Variants in KCNQ4 observed in about 807,000 individuals in gnomAD.
The protein encoded by KCNQ4 is potassium voltage-gated channel subfamily Q member 4.
A neutral mutation model predicts 72.6 loss-of-function variants in KCNQ4; 31 were observed. The observed-to-expected ratio is 0.43, with a 90% CI of 0.32 to 0.58. KCNQ4 has a LOEUF of 0.58. KCNQ4 is among the 20% of genes least tolerant of loss of function. The pLI is 0.08. For missense variants in KCNQ4, 869 were observed against 962.6 expected, an observed-to-expected ratio of 0.90 and a Z score of 1.29; for synonymous variants, 405 against 403.7, an observed-to-expected ratio of 1.00 and a Z score of -0.04.
chr1:40,818,021 T>G, intron 2 of KCNQ4, 143 bp from the exon 3 acceptor site: 1 of 1,048,920 alleles, frequency 9.5e-7, no homozygotes, highest in Non-Finnish European at 1.4e-6. Context: ...CCCTCCGGAA[T>G]CGTCAAGTCC....
chr1:40,802,580 G>A (rs1056708364), intron 1 of KCNQ4, among the ~76,000 whole-genome samples: 9 of 152,198 alleles, frequency 5.9e-5, no homozygotes, highest in Admixed American at 5.9e-4. Flanking sequence ...GCCGAGGCGG[G>A]CTGGGGGCAC....
At position 40,784,579 on chromosome 1, in the gene KCNQ4, A is replaced by G. The variant is rs543743588; in HGVS notation, c.314+172A>G. 7.3e-5 allele frequency among the ~76,000 whole-genome samples: 11 copies of G among 151,512 alleles called. No homozygotes were observed. In the East Asian group the frequency reaches 2.2e-3, roughly 30 times the overall value. On this transcript the variant is annotated intron_variant, in intron 1 of 13. Coordinates refer to ENST00000347132, the MANE Select transcript of KCNQ4 (RefSeq NM_004700.4). The surrounding 1 kb of genome is among the most constrained non-coding windows in gnomAD (Gnocchi z 4.1). ...TGATCCCCTCGCTGAGCCCGACCCTAAGCCCTGATCTCCCAGGCCTGACCC... is the reference window on the plus strand; with the variant it reads ...TGATCCCCTCGCTGAGCCCGACCCTGAGCCCTGATCTCCCAGGCCTGACCC...
Position 40,818,290 on chromosome 1 carries a change from G to C in KCNQ4, c.532G>C (p.Asp178His). ...TGCCAGAAAGCCCTTCTGTGTCATC[G>C]GTAATGAGGCGCGCCCCGCCCGACC... ...RFARKPFCVI[D>H]FIVFVASVAV... is the part of the protein sequence containing the mutation. The change falls in exon 3 of 14, where the codon GAC becomes CAC. Residue 178 changes from aspartate (D) to histidine (H), a missense_variant and splice_region_variant. Asp to His is a moderately conservative substitution (Grantham distance 81). Transcript: ENST00000347132. The C allele has an allele frequency of 6.2e-7, 1 of 1,613,728 alleles. No individual in the cohort carries two copies. Among genetic ancestry groups the C allele is most frequent in the Non-Finnish European group, 8.5e-7 (1 of 1,180,022 alleles).
chr1:40,831,214 A>G lies in KCNQ4; in HGVS notation c.1423A>G (p.Ser475Gly). The G allele has an allele frequency of 6.2e-7, 1 of 1,609,672 alleles. No individual in the cohort carries two copies. Among genetic ancestry groups the G allele is most frequent in the Non-Finnish European group, 8.5e-7 (1 of 1,178,120 alleles). The change falls in exon 10 of 14, where the codon AGC (serine) becomes GGC (glycine). Residue 475 changes from serine (S) to glycine (G), a missense_variant. This residue lies in a region of KCNQ4 where 480 missense variants were observed against 501.9 expected (regional missense o/e 0.96). Coordinates refer to ENST00000347132, the MANE Select transcript of KCNQ4 (RefSeq NM_004700.4). ...CAGCGAGCAGGTGGGTGAGGCCACCAGCCCCACCAAGGTGCAAAAGAGCTG... is the reference window on the plus strand; with the variant it reads ...CAGCGAGCAGGTGGGTGAGGCCACCGGCCCCACCAAGGTGCAAAAGAGCTG... The part of the protein sequence containing the change: ...PSSEQVGEAT[S>G]PTKVQKSWSF...
At chr1:40,822,206 TG>T in intron 7 of KCNQ4, 107 bp from the exon 8 acceptor site, 1 of 936,616 alleles carries the variant, frequency 1.1e-6, no homozygotes, top group Non-Finnish European at 1.7e-6. Context: ...CCTCTGGCTC[TG>T]GGTAACCCAC....
chr1:40,804,084 T>G (rs1457913141), intron 1 of KCNQ4, among the ~76,000 whole-genome samples: 2 of 152,158 alleles, frequency 1.3e-5, no homozygotes, highest in Non-Finnish European at 2.9e-5. Flanking sequence ...CCCAATATAG[T>G]GCACAGGTTC....
At chr1:40,826,912 G>A (rs1648496297) in intron 9 of KCNQ4, among the ~76,000 whole-genome samples, 1 of 152,278 alleles carries the variant, frequency 6.6e-6, no homozygotes, top group Non-Finnish European at 1.5e-5. Context: ...GAGCCTTAAG[G>A]ATGTGTGCTG....
At position 40,838,043 on chromosome 1, in the gene KCNQ4, C is replaced by T. The variant is rs973980676; in HGVS notation, c.1875+249C>T. On this transcript the variant is annotated intron_variant, in intron 13 of 13. Transcript: ENST00000347132. The stretch of plus-strand genomic sequence containing the variant: ...TTCAGATAAGCCTACCTCAGTTCCC[C>T]CTACTCCATTTGACCCCGCCTCTCA... Among the ~76,000 whole-genome samples, 4 of 152,062 alleles carry T rather than the reference C, an allele frequency of 2.6e-5. No homozygotes were observed. In the East Asian group the frequency reaches 5.8e-4, roughly 22 times the overall value.
chr1:40,834,482 C>T (rs1648750716), intron 11 of KCNQ4, among the ~76,000 whole-genome samples: 1 of 152,000 alleles, frequency 6.6e-6, no homozygotes, highest in Non-Finnish European at 1.5e-5. Context: ...CAGTGGGTCA[C>T]ACCTGTAGTC....
chr1:40,832,557 C>T lies in KCNQ4; in HGVS notation c.1514-457C>T, dbSNP rs1028376855. Among the ~76,000 whole-genome samples, 6 of 152,360 alleles carry T rather than the reference C, an allele frequency of 3.9e-5. 1 individual carries two copies. The highest frequency in any genetic ancestry group is 2.1e-4 in the South Asian group (1 of 4,828). ...AAGAATGGTTTGTTTTAAGGGCCTT[C>T]CCTAGTAGCAGAGCTGGGCCTGGGA... On this transcript the variant is annotated intron_variant, in intron 10 of 13. Coordinates refer to ENST00000347132, the MANE Select transcript of KCNQ4 (RefSeq NM_004700.4).
chr1:40,813,907 C>G (rs1648003609), intron 1 of KCNQ4, among the ~76,000 whole-genome samples: 1 of 151,900 alleles, frequency 6.6e-6, no homozygotes, highest in Non-Finnish European at 1.5e-5. Flanking sequence ...GCCAGCAAGC[C>G]CAGCTGATTT....
intron 3 of KCNQ4, 91 bp from the exon 4 acceptor site, chr1:40,818,414 C>T (rs1648165282): frequency 6.4e-7 from 1 of 1,561,886 alleles, no homozygotes; most frequent in Non-Finnish European, 8.7e-7. Flanking sequence ...CCCCTCCCTC[C>T]CCAGTCCCCT....
At chr1:40,818,992 T>G in intron 4 of KCNQ4, 2 of 553,770 alleles carry the variant, frequency 3.6e-6, no homozygotes, top group Non-Finnish European at 6.7e-6. Context: ...GCAGCTGAGG[T>G]GGGACTTGAG....
Position 40,784,182 on chromosome 1 carries a change from A to T in KCNQ4, c.89A>T (p.Gln30Leu). The T allele has an allele frequency of 1.8e-6, 2 of 1,121,910 alleles. No individual in the cohort carries two copies. Among genetic ancestry groups the T allele is most frequent in the Non-Finnish European group, 2.2e-6 (2 of 915,148 alleles). 69.5% of individuals were successfully genotyped at this position (1,121,910 alleles called of 1,614,324 possible). A position where few individuals can be genotyped will look rare whatever the true frequency, so the allele number is the denominator to read the frequency against. The change falls in exon 1 of 14, where the codon CAG (glutamine) becomes CTG (leucine). Residue 30 changes from glutamine (Q) to leucine (L), a missense_variant. Physicochemically the swap from Gln to Leu is moderately radical, Grantham distance 113. Transcript: ENST00000347132. This position sits in a 1 kb window ranked among gnomAD's most constrained non-coding sequence, Gnocchi z 4.1. ...RAELVALTAV[Q>L]SEQGEAGGGG... ...GAGCTAGTGGCGCTCACGGCCGTGC[A>T]GAGCGAACAGGGCGAGGCGGGCGGG...
intron 1 of KCNQ4, among the ~76,000 whole-genome samples, chr1:40,802,202 T>C (rs1002506492): frequency 1.1e-4 from 17 of 152,138 alleles, no homozygotes; most frequent in Non-Finnish European, 2.1e-4. Flanking sequence ...CACGTGAAAC[T>C]ACCTACTCCA....
intron 1 of KCNQ4, among the ~76,000 whole-genome samples, chr1:40,810,212 G>A (rs992602341): frequency 2.4e-4 from 36 of 152,236 alleles, no homozygotes; most frequent in African/African-American, 7.5e-4. Context: ...ACTGCTGGCC[G>A]TTCTGGGCTG....
intron 1 of KCNQ4, among the ~76,000 whole-genome samples, chr1:40,793,980 C>T (rs1170360300): frequency 1.3e-5 from 2 of 152,164 alleles, no homozygotes; most frequent in East Asian, 1.9e-4. Flanking sequence ...GAACACAATT[C>T]TTGGCACATG....
chr1:40,797,073 C>T (rs1294230624), intron 1 of KCNQ4, among the ~76,000 whole-genome samples: 1 of 152,264 alleles, frequency 6.6e-6, no homozygotes, highest in African/African-American at 2.4e-5. Flanking sequence ...GCCAGTCTCC[C>T]CGGGCCAGGC....
chr1:40,818,189 G>T lies in KCNQ4; in HGVS notation c.431G>T (p.Gly144Val), dbSNP rs1415418857. ...ILEFVMIVVF[G>V]LEYIVRVWSA... Reference sequence around the variant, plus strand: ...GAATTCGTGATGATCGTGGTTTTCGGCTTGGAGTACATCGTCCGGGTCTGG... The same window carrying T: ...GAATTCGTGATGATCGTGGTTTTCGTCTTGGAGTACATCGTCCGGGTCTGG... The change falls in exon 3 of 14, where the codon GGC (glycine) becomes GTC (valine). Residue 144 changes from glycine to valine, a missense_variant. Gly to Val is a moderately radical substitution (Grantham distance 109, BLOSUM62 -3). Around this residue, in one of 5 missense-constraint regions of KCNQ4, gnomAD observed 179 missense variants for 243.0 expected, o/e 0.74. Transcript: ENST00000347132. 6.2e-7 allele frequency: 1 copy of T among 1,613,918 alleles called. No homozygotes were observed. Among genetic ancestry groups the T allele is most frequent in the African/African-American group, 1.3e-5 (1 of 74,922 alleles).
Sources: gnomAD v4.1 joint callset for allele counts (sites outside exome capture counted in the v4.1 genomes callset) on GRCh38, gnomAD v4.1.1 for gene constraint, gnomAD v4.1.1 regional missense constraint, Gnocchi (gnomAD v3.1) non-coding constraint, MANE v1.5 for transcripts, NCBI Gene and HGNC (gene_info 2026-07-23, HGNC 2026-07-21) for gene names.